The following KANSL3 variants were observed in gnomAD, a reference collection of about 807,000 sequenced individuals.
The protein encoded by KANSL3 is KAT8 regulatory NSL complex subunit 3.
Under a neutral mutation model 89.2 loss-of-function variants are expected in KANSL3, and 16 were observed. The ratio of observed to expected loss-of-function variants is 0.18; its 90% CI spans 0.12 to 0.27. The LOEUF is 0.27. Among genes scored for constraint, KANSL3 ranks in the 10% least tolerant of loss-of-function variants. The pLI is 1.00. For synonymous variants in KANSL3, 385 were observed against 419.7 expected, an observed-to-expected ratio of 0.92 and a Z score of 1.01; for missense variants, 879 against 1,110.6, an observed-to-expected ratio of 0.79 and a Z score of 2.96.
intron 14 of KANSL3, 59 bp from the exon 15 acceptor site, chr2:96,605,570 A>C: frequency 7.3e-7 from 1 of 1,363,948 alleles, no homozygotes; most frequent in Non-Finnish European, 1.0e-6. Context: ...ACAGACACTC[A>C]GTCAATACCA....
rs1354182863 is a variant in KANSL3 at position 96,594,650 on chromosome 2, G to A, written c.*961C>T. 1 of 152,278 alleles carries A rather than the reference G, an allele frequency of 6.6e-6. No homozygotes were observed. The highest frequency in any genetic ancestry group is 1.9e-4 in the East Asian group (1 of 5,194). The allele number at this position is 152,278 out of a possible 1,614,324, so 9.4% of individuals were successfully genotyped here. ...CCCTGCTTCACCTCCAGAGACTGGA[G>A]ACAGAGGATTTTCCGGGGTTGGGGT... On this transcript the variant is annotated 3_prime_UTR_variant, in exon 21 of 21. Coordinates refer to ENST00000431828, the MANE Select transcript of KANSL3 (RefSeq NM_001115016.3).
chr2:96,621,407 C>T (rs1033728610), intron 3 of KANSL3, among the ~76,000 whole-genome samples: 6 of 150,880 alleles, frequency 4.0e-5, no homozygotes, highest in South Asian at 2.1e-4. Flanking sequence ...CCAGCTACTC[C>T]GGAGGCTGAG....
intron 20 of KANSL3, among the ~76,000 whole-genome samples, chr2:96,596,063 CAACAG>C (rs2066498705): frequency 6.6e-6 from 1 of 152,160 alleles, no homozygotes; most frequent in Non-Finnish European, 1.5e-5. Context: ...TTTTTAAGGG[CAACAG>C]AACAGAAGGG....
intron 5 of KANSL3, among the ~76,000 whole-genome samples, chr2:96,619,015 C>T (rs2070747800): frequency 6.6e-6 from 1 of 152,260 alleles, no homozygotes; most frequent in South Asian, 2.1e-4. Flanking sequence ...GGGTCTGCTT[C>T]TGTCACCTTT....
rs1290336770 is a variant in KANSL3 at position 96,600,895 on chromosome 2, AT to A, written c.2616+747del. 3.0e-6 allele frequency: 3 copies of A among 985,308 alleles called. No individual in the cohort carries two copies. In the African/African-American group the frequency reaches 5.2e-5, roughly 17 times the overall value. 61.0% of individuals were successfully genotyped at this position (985,308 alleles called of 1,614,324 possible). On this transcript the variant is annotated intron_variant, in intron 20 of 20. Coordinates refer to ENST00000431828, the MANE Select transcript of KANSL3 (RefSeq NM_001115016.3). Reference sequence around the variant, plus strand: ...AGAAAGCCAATGTCAAAGAAAGAGTATTATACTTGGGGGCCGAGGCGGGAGG... The same window carrying A: ...AGAAAGCCAATGTCAAAGAAAGAGTATATACTTGGGGGCCGAGGCGGGAGG...
the KANSL3 span, among the ~76,000 whole-genome samples, chr2:96,582,407 A>G: frequency 6.6e-6 from 1 of 152,160 alleles, no homozygotes; most frequent in Non-Finnish European, 1.5e-5. Flanking sequence ...CAAAAAAAAA[A>G]AAGAAGAAAA....
chr2:96,601,489 T>C, intron 20 of KANSL3, 154 bp downstream of exon 20: 1 of 1,395,726 alleles, frequency 7.2e-7, no homozygotes, highest in South Asian at 1.7e-5. Context: ...ATTCGCTCAA[T>C]ATTATAAAGC....
intron 3 of KANSL3, among the ~76,000 whole-genome samples, chr2:96,625,666 T>A (rs969214128): frequency 6.6e-5 from 10 of 152,206 alleles, no homozygotes; most frequent in African/African-American, 2.2e-4. Flanking sequence ...TGAAATTAAA[T>A]TTTAAAACCA....
At chr2:96,622,517 C>A (rs892822229) in intron 3 of KANSL3, among the ~76,000 whole-genome samples, 1 of 151,908 alleles carries the variant, frequency 6.6e-6, no homozygotes, top group African/African-American at 2.4e-5. Flanking sequence ...TGTGAGGGTA[C>A]AAAAGAACTC....
intron 5 of KANSL3, among the ~76,000 whole-genome samples, chr2:96,616,467 A>G (rs982797754): frequency 6.6e-6 from 1 of 152,196 alleles, no homozygotes; most frequent in Non-Finnish European, 1.5e-5. Flanking sequence ...TAAGGTCTAT[A>G]CCTTCTCTGC....
chr2:96,609,105 T>G, intron 12 of KANSL3, 41 bp from the exon 13 acceptor site: 2 of 1,505,838 alleles, frequency 1.3e-6, no homozygotes, highest in Non-Finnish European at 1.8e-6. Context: ...TTAGTCCTCA[T>G]CTGGAGAATG....
rs1192268616 is a variant in KANSL3 at position 96,614,819 on chromosome 2, A to C, written c.664-1200T>G. The stretch of plus-strand genomic sequence containing the variant: ...AAAGAAAGAAAAAAAGAAAAAAATT[A>C]TCTCTACTCCCCTAATGCTAAATGA... On this transcript the variant is annotated intron_variant, in intron 5 of 20. Coordinates refer to ENST00000431828, the MANE Select transcript of KANSL3 (RefSeq NM_001115016.3). Among the ~76,000 whole-genome samples, 10 of 151,428 alleles carry C rather than the reference A, an allele frequency of 6.6e-5. No homozygotes were observed. In the East Asian group the frequency reaches 1.9e-3, roughly 29 times the overall value.
intron 5 of KANSL3, among the ~76,000 whole-genome samples, chr2:96,617,037 G>A (rs879647139): frequency 2.6e-5 from 4 of 152,262 alleles, no homozygotes; most frequent in Admixed American, 6.5e-5. Context: ...CACTTTTACC[G>A]TAGGTAGAAT....
chr2:96,632,355 A>G (rs1353681052), intron 2 of KANSL3, among the ~76,000 whole-genome samples: 1 of 151,836 alleles, frequency 6.6e-6, no homozygotes, highest in Non-Finnish European at 1.5e-5. Context: ...CAGTCCCAGA[A>G]ACTGAAGTGG....
rs1236841478 is a variant in KANSL3, at chr2:96,619,865, G to A, written c.387-103C>T. 1.7e-5 allele frequency: 16 copies of A among 936,912 alleles called. No homozygotes were observed. The South Asian group carries it at 1.8e-4, about 11-fold the overall frequency. 58.0% of individuals were successfully genotyped at this position (936,912 alleles called of 1,614,324 possible). A position where few individuals can be genotyped will look rare whatever the true frequency, so the allele number is the denominator to read the frequency against. The stretch of plus-strand genomic sequence containing the variant: ...ATGCCATAGTTTTATGTCTCTGCTA[G>A]GGAACAGTAAAACGAAGTAGCTTAG... On this transcript the variant is annotated intron_variant, in intron 3 of 20. Coordinates refer to ENST00000431828, the MANE Select transcript of KANSL3 (RefSeq NM_001115016.3).
At chr2:96,591,809 G>A (rs12473378), downstream of KANSL3, among the ~76,000 whole-genome samples, 1,818 of 152,052 alleles carry the variant, frequency 0.012, 15 homozygotes, top group Middle Eastern at 0.024. Flanking sequence ...GTGACAATAG[G>A]ATCAAAACTG....
intron 1 of KANSL3, chr2:96,637,924 T>A (rs1028642174): frequency 3.9e-5 from 6 of 152,358 alleles, no homozygotes; most frequent in Non-Finnish European, 7.3e-5. Context: ...ACACGGCCCA[T>A]CTAGGAGACA....
intron 18 of KANSL3, 137 bp from the exon 19 acceptor site, chr2:96,602,475 T>C (rs909592849): frequency 1.5e-6 from 1 of 684,440 alleles, no homozygotes; most frequent in African/African-American, 1.8e-5. Context: ...TCCAGGCATT[T>C]TGCATATATT....
intron 3 of KANSL3, among the ~76,000 whole-genome samples, chr2:96,620,429 G>A (rs556820330): frequency 3.3e-5 from 5 of 152,102 alleles, no homozygotes; most frequent in Admixed American, 6.5e-5. Context: ...CCCAGCATAC[G>A]GCACTGGTAT....
Sources: gnomAD v4.1 joint callset for allele counts (sites outside exome capture counted in the v4.1 genomes callset) on GRCh38, gnomAD v4.1.1 for gene constraint, MANE v1.5 for transcripts, NCBI Gene and HGNC (gene_info 2026-07-23, HGNC 2026-07-21) for gene names.